CNTN4: variants seen among roughly 807,000 people sequenced by gnomAD.
The protein encoded by CNTN4 is contactin 4, also known as contactin-4.
Under a neutral mutation model 122.5 loss-of-function variants are expected in CNTN4, and 77 were observed. The observed-to-expected ratio is 0.63, with a 90% CI of 0.52 to 0.76. The LOEUF (loss-of-function observed/expected upper bound fraction) is 0.76. Among genes scored for constraint, CNTN4 ranks in the 30% least tolerant of loss-of-function variants. The pLI is 0.00. For missense variants in CNTN4, 1,256 were observed against 1,259.1 expected (o/e 1.00, Z 0.04); for synonymous variants, 512 against 447.0 (o/e 1.15, Z -1.83).
At chr3:2,847,281 A>G (rs1440905258) in intron 7 of CNTN4, among the ~76,000 whole-genome samples, 1 of 151,994 alleles carries the variant, frequency 6.6e-6, no homozygotes, top group Non-Finnish European at 1.5e-5. Context: ...GCAGAGAGTC[A>G]GCTAAAGACT....
chr3:2,460,714 T>A (rs2049172740), intron 3 of CNTN4, among the ~76,000 whole-genome samples: 1 of 152,176 alleles, frequency 6.6e-6, no homozygotes, highest in African/African-American at 2.4e-5. Flanking sequence ...ATCCAAAAGG[T>A]CTCAACGCAA....
intron 10 of CNTN4, among the ~76,000 whole-genome samples, chr3:2,889,234 C>G (rs940112173): frequency 1.3e-5 from 2 of 152,202 alleles, no homozygotes; most frequent in African/African-American, 4.8e-5. Context: ...GATGCAGCTT[C>G]TGAGGGGAGA....
chr3:2,435,409 C>T (rs2048225451), intron 3 of CNTN4, among the ~76,000 whole-genome samples: 1 of 151,990 alleles, frequency 6.6e-6, no homozygotes. Context: ...GTTGTTGTAC[C>T]ATTTAGGGAA....
intron 6 of CNTN4, among the ~76,000 whole-genome samples, chr3:2,781,996 T>A (rs564183568): frequency 1.4e-4 from 21 of 151,842 alleles, no homozygotes; most frequent in African/African-American, 4.4e-4. Context: ...GTGCTGAGAT[T>A]ACAGGCATGA....
intron 4 of CNTN4, among the ~76,000 whole-genome samples, chr3:2,653,286 A>T (rs1261443231): frequency 6.6e-6 from 1 of 152,140 alleles, no homozygotes; most frequent in African/African-American, 2.4e-5. Context: ...CTCAATAAAT[A>T]AGTTTTAAAT....
At chr3:2,307,083 C>CATTTT (rs927229467) in intron 2 of CNTN4, among the ~76,000 whole-genome samples, 1 of 152,034 alleles carries the variant, frequency 6.6e-6, no homozygotes, top group African/African-American at 2.4e-5. Context: ...AATCTAGGCA[C>CATTTT]ATTTTATTTT....
At chr3:2,284,739 T>C (rs945680485) in intron 2 of CNTN4, among the ~76,000 whole-genome samples, 3 of 151,894 alleles carry the variant, frequency 2.0e-5, no homozygotes, top group African/African-American at 4.8e-5. Flanking sequence ...ATATAAATTA[T>C]ATCCAACAGG....
intron 3 of CNTN4, among the ~76,000 whole-genome samples, chr3:2,529,885 C>T (rs1325620533): frequency 6.6e-6 from 1 of 152,190 alleles, no homozygotes; most frequent in South Asian, 2.1e-4. Context: ...AATCCTTTAA[C>T]AGCTGCTGGT....
intron 3 of CNTN4, among the ~76,000 whole-genome samples, chr3:2,381,069 A>G (rs1272611691): frequency 6.6e-6 from 1 of 151,560 alleles, no homozygotes. Flanking sequence ...GCAGTGGCAC[A>G]ATCTCGGCTC....
chr3:2,765,979 C>T (rs1454948398), intron 6 of CNTN4, among the ~76,000 whole-genome samples: 1 of 152,142 alleles, frequency 6.6e-6, no homozygotes, highest in Non-Finnish European at 1.5e-5. Context: ...AGAGGAACAG[C>T]CTTCCAGAAT....
At chr3:2,344,277 A>ATT (rs1426165538) in intron 3 of CNTN4, among the ~76,000 whole-genome samples, 4 of 127,252 alleles carry the variant, frequency 3.1e-5, no homozygotes, top group African/African-American at 9.4e-5. Context: ...GGCCAGGTCA[A>ATT]ATTTTTTTTT....
intron 4 of CNTN4, among the ~76,000 whole-genome samples, chr3:2,627,490 C>CTTTTTTTT (rs869106549): frequency 1.7e-5 from 2 of 116,226 alleles, no homozygotes; most frequent in Non-Finnish European, 1.8e-5. Flanking sequence ...CATTAAGTGT[C>CTTTTTTTT]TTTTTTTTTT....
chr3:2,845,339 C>G (rs916720013), intron 7 of CNTN4, among the ~76,000 whole-genome samples: 1 of 151,804 alleles, frequency 6.6e-6, no homozygotes, highest in African/African-American at 2.4e-5. Context: ...AGTCCACTGT[C>G]AACTTTAAAA....
chr3:2,552,274 G>A (rs569811656), intron 3 of CNTN4, among the ~76,000 whole-genome samples: 30 of 152,260 alleles, frequency 2.0e-4, no homozygotes, highest in African/African-American at 4.1e-4. Flanking sequence ...ACAGAAAAGC[G>A]TTTTAGGAAT....
intron 3 of CNTN4, among the ~76,000 whole-genome samples, chr3:2,393,403 T>C (rs1172113583): frequency 6.6e-6 from 1 of 152,192 alleles, no homozygotes; most frequent in East Asian, 1.9e-4. Flanking sequence ...CTTGCCACAG[T>C]GTCTTGAGGC....
chr3:2,506,022 T>C (rs1473169941), intron 3 of CNTN4, among the ~76,000 whole-genome samples: 1 of 152,148 alleles, frequency 6.6e-6, no homozygotes, highest in East Asian at 1.9e-4. Context: ...TCGCTTTTTT[T>C]TTTCTAATGT....
At chr3:2,954,521 C>T (rs2094779137) in intron 13 of CNTN4, among the ~76,000 whole-genome samples, 1 of 151,744 alleles carries the variant, frequency 6.6e-6, no homozygotes, top group Non-Finnish European at 1.5e-5. Flanking sequence ...TTCATTCAGT[C>T]CACAGAGAAT....
At chr3:3,010,488 T>C (rs1039069744) in intron 14 of CNTN4, among the ~76,000 whole-genome samples, 3 of 151,734 alleles carry the variant, frequency 2.0e-5, no homozygotes, top group Non-Finnish European at 4.4e-5. Context: ...AAAAAATCCT[T>C]GTACTACTGT....
chr3:2,922,826 G>C (rs940220388), intron 12 of CNTN4, among the ~76,000 whole-genome samples: 1 of 152,060 alleles, frequency 6.6e-6, no homozygotes, highest in Non-Finnish European at 1.5e-5. Context: ...GGCCAGGCTG[G>C]TCTCGAACTC....
Sources: allele counts gnomAD v4.1 joint callset (sites outside exome capture counted in the v4.1 genomes callset), GRCh38; gene constraint gnomAD v4.1.1; transcripts MANE v1.5; gene names NCBI Gene and HGNC (gene_info 2026-07-23, HGNC 2026-07-21).